Variants in KCNIP2 observed in about 807,000 individuals in gnomAD.
KCNIP2 encodes the protein potassium voltage-gated channel interacting protein 2.
KCNIP2 carries 19 observed loss-of-function variants against 39.0 expected under a neutral mutation model. The observed-to-expected ratio is 0.49, with a 90% CI of 0.34 to 0.71. The LOEUF (loss-of-function observed/expected upper bound fraction) is 0.71, where lower values mean the gene tolerates loss of function less well. Among genes scored for constraint, KCNIP2 ranks in the 30% least tolerant of loss-of-function variants. The pLI, the probability that KCNIP2 is intolerant of heterozygous loss-of-function variation, is 0.01. For missense variants in KCNIP2, 261 were observed against 346.0 expected, an observed-to-expected ratio of 0.75 and a Z score of 1.95; for synonymous variants, 111 against 131.2, an observed-to-expected ratio of 0.85 and a Z score of 1.05.
intron 1 of KCNIP2, among the ~76,000 whole-genome samples, chr10:101,832,897 A>G (rs2066042797): frequency 6.6e-6 from 1 of 152,154 alleles, no homozygotes; most frequent in African/African-American, 2.4e-5. Flanking sequence ...AGGAATGGCA[A>G]GTTAGAGCTC....
At position 101,827,684 on chromosome 10, in the gene KCNIP2, T is replaced by A; in HGVS notation, c.765+5A>T. 1 of 1,614,076 alleles carries A rather than the reference T, an allele frequency of 6.2e-7. No individual in the cohort carries two copies. The highest frequency in any genetic ancestry group is 8.5e-7 in the Non-Finnish European group (1 of 1,179,914). ...CAGGGTAATGTAGAGGGCAGGGAGCTGTACCTTTTGACAAGACTCAATGAA... is the reference window on the plus strand; with the variant it reads ...CAGGGTAATGTAGAGGGCAGGGAGCAGTACCTTTTGACAAGACTCAATGAA... On this transcript the variant is annotated splice_donor_5th_base_variant and intron_variant, in intron 9 of 9. Transcript: ENST00000356640.
intron 1 of KCNIP2, among the ~76,000 whole-genome samples, chr10:101,841,454 G>C (rs1354418263): frequency 6.6e-6 from 1 of 152,184 alleles, no homozygotes; most frequent in Non-Finnish European, 1.5e-5. Context: ...TTTGTCTCCC[G>C]CTATAAAATA....
intron 1 of KCNIP2, among the ~76,000 whole-genome samples, chr10:101,842,479 T>C (rs957318391): frequency 6.6e-6 from 1 of 152,226 alleles, no homozygotes; most frequent in African/African-American, 2.4e-5. Flanking sequence ...GGATGTGTTT[T>C]CCTGGGGTTT....
Position 101,838,429 on chromosome 10 carries a change from C to T in KCNIP2, c.73+5067G>A, listed in dbSNP as rs1433697860. Reference sequence around the variant, plus strand: ...AGTTTAGCTTTGTCCCACCCCCCACCGCCACTGTTAACCCAGCCAGTGAAG... The same window carrying T: ...AGTTTAGCTTTGTCCCACCCCCCACTGCCACTGTTAACCCAGCCAGTGAAG... On this transcript the variant is annotated intron_variant, in intron 1 of 9. Coordinates refer to ENST00000356640, the MANE Select transcript of KCNIP2 (RefSeq NM_173191.3). This position sits in a 1 kb window ranked among gnomAD's most constrained non-coding sequence, Gnocchi z 4.0. Among the ~76,000 whole-genome samples, 4 of 152,138 alleles carry T rather than the reference C, an allele frequency of 2.6e-5. No individual in the cohort carries two copies. The highest frequency in any genetic ancestry group is 6.5e-5 in the Admixed American group (1 of 15,280).
Position 101,828,450 on chromosome 10 carries a change from G to A in KCNIP2, c.428C>T (p.Thr143Ile). The A allele has an allele frequency of 6.2e-7, 1 of 1,614,078 alleles. No individual in the cohort carries two copies. ...SQFFPQGDSSTYATFLFNAFD... is the reference protein window; with the variant it reads ...SQFFPQGDSSIYATFLFNAFD... ...GGCATTGAAGAGAAAAGTGGCATAGGTGCTGGAGTCTGCAGGGTGAGTGTG... is the reference window on the plus strand; with the variant it reads ...GGCATTGAAGAGAAAAGTGGCATAGATGCTGGAGTCTGCAGGGTGAGTGTG... The change falls in exon 6 of 10, where the codon ACC becomes ATC. Residue 143 changes from threonine to isoleucine, a missense_variant. Physicochemically the swap from Thr to Ile is moderately conservative, Grantham distance 89. Coordinates refer to ENST00000356640, the MANE Select transcript of KCNIP2 (RefSeq NM_173191.3). The surrounding 1 kb of genome is among the most constrained non-coding windows in gnomAD (Gnocchi z 6.6).
intron 1 of KCNIP2, chr10:101,834,245 C>T: frequency 2.5e-6 from 1 of 399,268 alleles, no homozygotes. Flanking sequence ...GCAGCTCAGA[C>T]ATGCCAGGAC....
chr10:101,832,407 C>T (rs1326376709), intron 1 of KCNIP2, among the ~76,000 whole-genome samples: 1 of 151,718 alleles, frequency 6.6e-6, no homozygotes, highest in African/African-American at 2.4e-5. Context: ...GACACAGTGA[C>T]TAAAGTTGGC....
intron 2 of KCNIP2, 123 bp downstream of exon 2, chr10:101,830,949 C>CCA: frequency 1.1e-6 from 1 of 904,248 alleles, no homozygotes; most frequent in South Asian, 1.4e-5. Flanking sequence ...GCACGCCCCC[C>CCA]CACACATGCA....
intron 1 of KCNIP2, among the ~76,000 whole-genome samples, chr10:101,841,846 A>G (rs1261518091): frequency 6.6e-6 from 1 of 152,234 alleles, no homozygotes; most frequent in African/African-American, 2.4e-5. Flanking sequence ...ATGTGATACT[A>G]TTGAAGGCCC....
At chr10:101,835,134 A>G (rs2066113133) in intron 1 of KCNIP2, among the ~76,000 whole-genome samples, 1 of 151,852 alleles carries the variant, frequency 6.6e-6, no homozygotes, top group African/African-American at 2.4e-5. Context: ...TTAGGTATGG[A>G]TGTGTTGTAT....
intron 1 of KCNIP2, among the ~76,000 whole-genome samples, chr10:101,835,021 T>A (rs1435493190): frequency 6.6e-6 from 1 of 152,212 alleles, no homozygotes; most frequent in African/African-American, 2.4e-5. Context: ...GCTGGGTGTC[T>A]ATGGTCTGCA....
intron 1 of KCNIP2, among the ~76,000 whole-genome samples, chr10:101,832,296 CTGTGTGTGTGTGTGTGTG>C (rs57005983): frequency 1.1e-4 from 15 of 140,068 alleles, no homozygotes; most frequent in East Asian, 4.2e-4. Context: ...CTCAGTGTTA[CTGTGTGTGTGTGTGTGTG>C]TGTGTGTGTG....
intron 2 of KCNIP2, chr10:101,830,455 G>A: frequency 7.8e-7 from 1 of 1,285,524 alleles, no homozygotes; most frequent in Non-Finnish European, 1.0e-6. Context: ...CCTCACGGCC[G>A]CCTGGTCTAC....
intron 1 of KCNIP2, among the ~76,000 whole-genome samples, chr10:101,842,248 T>C (rs770265016): frequency 2.0e-5 from 3 of 152,188 alleles, no homozygotes; most frequent in Non-Finnish European, 4.4e-5. Flanking sequence ...AACACATACA[T>C]GGAAATGTAC....
At chr10:101,831,764 G>A (rs1339485406) in intron 1 of KCNIP2, among the ~76,000 whole-genome samples, 1 of 152,160 alleles carries the variant, frequency 6.6e-6, no homozygotes, top group Non-Finnish European at 1.5e-5. Flanking sequence ...CACACAGCAT[G>A]ATCAAACCAC....
chr10:101,828,986 G>A lies in KCNIP2; in HGVS notation c.348+89C>T. 6.4e-7 allele frequency: 1 copy of A among 1,562,728 alleles called. No individual in the cohort carries two copies. The highest frequency in any genetic ancestry group is 8.7e-7 in the Non-Finnish European group (1 of 1,151,592). Reference sequence around the variant, plus strand: ...TGCCTCCCTTCCGCCCACACCTCAAGCATCCAAGCCATGCTTTCTGGGAAG... The same window carrying A: ...TGCCTCCCTTCCGCCCACACCTCAAACATCCAAGCCATGCTTTCTGGGAAG... On this transcript the variant is annotated intron_variant, in intron 4 of 9. Transcript: ENST00000356640. The surrounding 1 kb of genome is among the most constrained non-coding windows in gnomAD (Gnocchi z 6.6).
intron 1 of KCNIP2, among the ~76,000 whole-genome samples, chr10:101,836,779 G>A (rs1363232814): frequency 3.9e-5 from 6 of 152,168 alleles, no homozygotes; most frequent in African/African-American, 1.4e-4. Flanking sequence ...TGGCCAAAAT[G>A]GTGAAACCCT....
intron 2 of KCNIP2, chr10:101,830,345 T>C: frequency 1.7e-6 from 2 of 1,202,626 alleles, no homozygotes; most frequent in Non-Finnish European, 2.2e-6. Flanking sequence ...CACCATCCTG[T>C]CGGGGCATAG....
In KCNIP2 at chr10:101,828,902, GCC is replaced by G. The variant is rs758268165; in HGVS notation, c.348+171_348+172del. ...GGAACGAAACTGACAGTCTACAGGCGCCACTTCCGTTCTGGCCCCGCCCCAGA... is the reference window on the plus strand; with the variant it reads ...GGAACGAAACTGACAGTCTACAGGCGACTTCCGTTCTGGCCCCGCCCCAGA... On this transcript the variant is annotated intron_variant, in intron 4 of 9. Coordinates refer to ENST00000356640, the MANE Select transcript of KCNIP2 (RefSeq NM_173191.3). The surrounding 1 kb of genome is among the most constrained non-coding windows in gnomAD (Gnocchi z 6.6). The G allele has an allele frequency of 6.6e-7, 1 of 1,526,060 alleles. No individual in the cohort carries two copies. The highest frequency in any genetic ancestry group is 1.2e-5 in the South Asian group (1 of 82,292). The allele number at this position is 1,526,060 out of a possible 1,614,324, so 94.5% of individuals were successfully genotyped here. A position where few individuals can be genotyped will look rare whatever the true frequency, so the allele number is the denominator to read the frequency against.
Sources: allele counts gnomAD v4.1 joint callset (sites outside exome capture counted in the v4.1 genomes callset), GRCh38; gene constraint gnomAD v4.1.1; non-coding constraint Gnocchi (gnomAD v3.1); transcripts MANE v1.5; gene names NCBI Gene and HGNC (gene_info 2026-07-23, HGNC 2026-07-21).